ADAMTSL1: variants seen among roughly 807,000 people sequenced by gnomAD.
ADAMTSL1 encodes the protein ADAMTS-like protein 1.
Under a neutral mutation model 201.8 loss-of-function variants are expected in ADAMTSL1, and 126 were observed. The observed-to-expected ratio is 0.62, with a 90% CI of 0.54 to 0.72. The LOEUF (loss-of-function observed/expected upper bound fraction) is 0.72. ADAMTSL1 is among the 30% of genes least tolerant of loss of function. The pLI, the probability that ADAMTSL1 is intolerant of heterozygous loss-of-function variation, is 0.00. For synonymous variants in ADAMTSL1, 1,121 were observed against 903.4 expected, an observed-to-expected ratio of 1.24 and a Z score of -4.32; for missense variants, 2,679 against 2,277.8, an observed-to-expected ratio of 1.18 and a Z score of -3.59.
chr9:18,351,265 GAAA>G (rs1222233600), intron 2 of ADAMTSL1, among the ~76,000 whole-genome samples: 1 of 138,932 alleles, frequency 7.2e-6, no homozygotes, highest in Admixed American at 7.2e-5. Flanking sequence ...AAAAAAAAAA[GAAA>G]AAAAAAAGAA....
At chr9:18,890,673 T>C in intron 25 of ADAMTSL1, 2 of 453,064 alleles carry the variant, frequency 4.4e-6, no homozygotes, top group South Asian at 3.1e-5. Context: ...TAATGTCCTT[T>C]TATACCCTTC....
intron 1 of ADAMTSL1, among the ~76,000 whole-genome samples, chr9:18,072,798 T>C (rs1823027603): frequency 6.6e-6 from 1 of 152,188 alleles, no homozygotes; most frequent in South Asian, 2.1e-4. Flanking sequence ...TGAAGAATAG[T>C]GGAGTTTTCC....
intron 1 of ADAMTSL1, among the ~76,000 whole-genome samples, chr9:18,067,392 C>G (rs1822754627): frequency 6.6e-6 from 1 of 152,184 alleles, no homozygotes; most frequent in South Asian, 2.1e-4. Context: ...ACTCCTCTTC[C>G]TCCACCTCCT....
chr9:18,724,334 A>C (rs1817737116), intron 15 of ADAMTSL1, among the ~76,000 whole-genome samples: 1 of 152,212 alleles, frequency 6.6e-6, no homozygotes, highest in Non-Finnish European at 1.5e-5. Context: ...GGGCAAGTCC[A>C]ATCTGCTTAG....
At chr9:18,232,253 T>A (rs1330742867) in intron 2 of ADAMTSL1, among the ~76,000 whole-genome samples, 5 of 152,146 alleles carry the variant, frequency 3.3e-5, no homozygotes, top group Non-Finnish European at 7.3e-5. Context: ...CTGTTCCCTC[T>A]ACTTGGACTG....
chr9:18,280,465 T>C (rs1832742377), intron 2 of ADAMTSL1, among the ~76,000 whole-genome samples: 1 of 152,074 alleles, frequency 6.6e-6, no homozygotes, highest in Non-Finnish European at 1.5e-5. Context: ...GACTGTGATG[T>C]ATCTGTAGAT....
chr9:18,014,315 A>C (rs949358120), intron 1 of ADAMTSL1, among the ~76,000 whole-genome samples: 1 of 152,008 alleles, frequency 6.6e-6, no homozygotes, highest in African/African-American at 2.4e-5. Flanking sequence ...CAGAGGTTTC[A>C]ACAACTTCAT....
At position 18,574,504 on chromosome 9, in the gene ADAMTSL1, G is replaced by C. The variant is rs541485348; in HGVS notation, c.474+238G>C. The C allele has an allele frequency of 6.9e-6, 4 of 583,016 alleles. 1 individual carries two copies. Among genetic ancestry groups the C allele is most frequent in the East Asian group, 5.5e-5 (2 of 36,060 alleles). The allele number at this position is 583,016 out of a possible 1,614,324, so 36.1% of individuals were successfully genotyped here. ...CCTTGAGTGTCACTTGAATATAAAAGAATAAAAATTTTTGAATAGTGTTTA... is the reference window on the plus strand; with the variant it reads ...CCTTGAGTGTCACTTGAATATAAAACAATAAAAATTTTTGAATAGTGTTTA... On this transcript the variant is annotated intron_variant, in intron 4 of 28. Coordinates refer to ENST00000380548, the MANE Select transcript of ADAMTSL1 (RefSeq NM_001040272.6).
intron 2 of ADAMTSL1, among the ~76,000 whole-genome samples, chr9:18,308,676 C>A (rs1025416760): frequency 6.6e-6 from 1 of 152,026 alleles, no homozygotes; most frequent in Non-Finnish European, 1.5e-5. Flanking sequence ...TCAAGTTCTG[C>A]AATTGAGGCA....
chr9:18,061,296 C>T (rs1483586545), intron 1 of ADAMTSL1, among the ~76,000 whole-genome samples: 2 of 152,124 alleles, frequency 1.3e-5, no homozygotes, highest in African/African-American at 2.4e-5. Flanking sequence ...TGGTTAAGGT[C>T]GAGTAGCTTT....
intron 1 of ADAMTSL1, among the ~76,000 whole-genome samples, chr9:17,915,422 A>G (rs777284814): frequency 6.6e-6 from 1 of 152,136 alleles, no homozygotes; most frequent in Non-Finnish European, 1.5e-5. Flanking sequence ...GTAGTATTGC[A>G]TTGTATAGAT....
intron 2 of ADAMTSL1, among the ~76,000 whole-genome samples, chr9:18,229,225 A>G (rs1008191369): frequency 6.6e-6 from 1 of 152,182 alleles, no homozygotes; most frequent in African/African-American, 2.4e-5. Context: ...TTTAAGAGGA[A>G]CATAGTCAAC....
chr9:18,166,127 G>A (rs1469733719), intron 2 of ADAMTSL1, among the ~76,000 whole-genome samples: 1 of 151,878 alleles, frequency 6.6e-6, no homozygotes, highest in Non-Finnish European at 1.5e-5. Flanking sequence ...TTTTAAGTAT[G>A]TCTTCCCTAG....
Position 18,905,929 on chromosome 9 carries a change from T to C in ADAMTSL1, c.4961+38T>C, listed in dbSNP as rs1563908932. 5 of 1,510,382 alleles carry C rather than the reference T, an allele frequency of 3.3e-6. No homozygotes were observed. In the African/African-American group the frequency reaches 5.5e-5, roughly 17 times the overall value. 93.6% of individuals were successfully genotyped at this position (1,510,382 alleles called of 1,614,324 possible). A position where few individuals can be genotyped will look rare whatever the true frequency, so the allele number is the denominator to read the frequency against. On this transcript the variant is annotated intron_variant, in intron 27 of 28. Coordinates refer to ENST00000380548, the MANE Select transcript of ADAMTSL1 (RefSeq NM_001040272.6). ...CCTGAATCTCCTTTTCCCAGCCCCA[T>C]GTCAACAGCACGGAAAGATGGTGCT...
upstream of ADAMTSL1, among the ~76,000 whole-genome samples, chr9:18,471,875 G>A (rs1821230408): frequency 6.6e-6 from 1 of 152,132 alleles, no homozygotes; most frequent in African/African-American, 2.4e-5. Flanking sequence ...AAATACCTAG[G>A]CAGTATTTAT....
intron 2 of ADAMTSL1, among the ~76,000 whole-genome samples, chr9:18,395,162 G>A (rs1402262932): frequency 6.6e-6 from 1 of 152,086 alleles, no homozygotes; most frequent in Non-Finnish European, 1.5e-5. Flanking sequence ...TGAGTATTAT[G>A]TCGGATCTCC....
chr9:18,723,015 A>T (rs1297530662), intron 15 of ADAMTSL1: 2 of 779,640 alleles, frequency 2.6e-6, no homozygotes, highest in Non-Finnish European at 4.8e-6. Flanking sequence ...GTCATCTAGG[A>T]AGAAGCAGTA....
chr9:18,708,954 C>G (rs1832390097), intron 14 of ADAMTSL1, among the ~76,000 whole-genome samples: 1 of 152,168 alleles, frequency 6.6e-6, no homozygotes. Flanking sequence ...TTAGAAGATA[C>G]TGATTTAGAA....
At chr9:18,854,497 G>A (rs1826719101) in intron 23 of ADAMTSL1, among the ~76,000 whole-genome samples, 1 of 152,166 alleles carries the variant, frequency 6.6e-6, no homozygotes, top group African/African-American at 2.4e-5. Flanking sequence ...GTAGTTGAGG[G>A]AGATGGGTGT....
Sources: allele counts gnomAD v4.1 joint callset (sites outside exome capture counted in the v4.1 genomes callset), GRCh38; gene constraint gnomAD v4.1.1; transcripts MANE v1.5; gene names NCBI Gene and HGNC (gene_info 2026-07-23, HGNC 2026-07-21).